AGO1: variants seen among roughly 807,000 people sequenced by gnomAD.
AGO1 encodes the protein protein argonaute-1.
AGO1 carries 11 observed loss-of-function variants against 109.2 expected under a neutral mutation model. The ratio of observed to expected loss-of-function variants is 0.10; its 90% CI spans 0.06 to 0.17. The LOEUF is 0.17. AGO1 is among the 10% of genes least tolerant of loss of function. The pLI is 1.00. For synonymous variants in AGO1, 422 were observed against 418.6 expected (o/e 1.01, Z -0.10); for missense variants, 574 against 1,140.3 (o/e 0.50, Z 7.15).
intron 15 of AGO1, among the ~76,000 whole-genome samples, chr1:35,916,442 A>G (rs1027946020): frequency 2.6e-5 from 4 of 152,048 alleles, no homozygotes. Context: ...ATCTTAGCTC[A>G]CTGCAGCTTC....
chr1:35,921,617 C>T lies in AGO1; in HGVS notation c.*2010C>T, dbSNP rs1441473989. ...TAGAGTTAGAACTACCATTTCCTCC[C>T]CTTAGCTGCCCTTGTATGACCCGGA... On this transcript the variant is annotated 3_prime_UTR_variant, in exon 19 of 19. Transcript: ENST00000373204. 6.6e-6 allele frequency: 1 copy of T among 152,656 alleles called. No homozygotes were observed. The highest frequency in any genetic ancestry group is 1.5e-5 in the Non-Finnish European group (1 of 68,066). The allele number at this position is 152,656 out of a possible 1,614,324, so 9.5% of individuals were successfully genotyped here.
chr1:35,903,421 T>G (rs1191853021), intron 11 of AGO1, among the ~76,000 whole-genome samples: 1 of 152,094 alleles, frequency 6.6e-6, no homozygotes, highest in African/African-American at 2.4e-5. Flanking sequence ...AAGTGGTTGC[T>G]TTTCATATTC....
At chr1:35,913,006 C>G (rs1645665801) in intron 12 of AGO1, among the ~76,000 whole-genome samples, 1 of 151,892 alleles carries the variant, frequency 6.6e-6, no homozygotes, top group African/African-American at 2.4e-5. Context: ...TCCGTCTCAA[C>G]AACTCACCCA....
rs1646002723 is a variant in AGO1 at position 35,929,941 on chromosome 1, C to A, written c.*10334C>A. 6.6e-6 allele frequency: 1 copy of A among 151,944 alleles called. No homozygotes were observed. 9.4% of individuals were successfully genotyped at this position (151,944 alleles called of 1,614,324 possible). A position where few individuals can be genotyped will look rare whatever the true frequency, so the allele number is the denominator to read the frequency against. On this transcript the variant is annotated 3_prime_UTR_variant, in exon 19 of 19. Coordinates refer to ENST00000373204, the MANE Select transcript of AGO1 (RefSeq NM_012199.5). ...AGAGATCAAGTGACTGATCCAAAGT[C>A]CCACAGTGAGGGGAACTGAAGATAG...
chr1:35,918,075 G>A (rs192793963), intron 16 of AGO1, among the ~76,000 whole-genome samples: 88 of 152,174 alleles, frequency 5.8e-4, no homozygotes, highest in Non-Finnish European at 9.1e-4. Context: ...TGTGAGGTAC[G>A]TATTATTATT....
intron 11 of AGO1, among the ~76,000 whole-genome samples, chr1:35,905,624 G>A (rs1645506114): frequency 1.3e-5 from 2 of 151,904 alleles, no homozygotes; most frequent in Admixed American, 1.3e-4. Context: ...TCACCACCAT[G>A]CCCGGCTAGG....
chr1:35,881,699 A>G (rs968034567), upstream of AGO1, among the ~76,000 whole-genome samples: 3 of 152,346 alleles, frequency 2.0e-5, no homozygotes, highest in East Asian at 1.9e-4. Flanking sequence ...AAGGCATGGT[A>G]TAAGTGTCAG....
rs139128795 is a variant in AGO1, at chr1:35,911,295, C to T, written c.1583-2547C>T. The stretch of plus-strand genomic sequence containing the variant: ...AAAGAATCCCAGGGTCATGAAGATA[C>T]TATTTGAAGTGTTTTTTTGAATGAT... On this transcript the variant is annotated intron_variant, in intron 12 of 18. Coordinates refer to ENST00000373204, the MANE Select transcript of AGO1 (RefSeq NM_012199.5). Among the ~76,000 whole-genome samples the T allele has an allele frequency of 3.8e-3, 578 of 152,166 alleles. 5 individuals carry two copies. The highest frequency in any genetic ancestry group is 0.013 in the African/African-American group (560 of 41,516).
chr1:35,889,791 C>G (rs1159345965), intron 2 of AGO1, among the ~76,000 whole-genome samples: 1 of 152,044 alleles, frequency 6.6e-6, no homozygotes, highest in Non-Finnish European at 1.5e-5. Flanking sequence ...CTCTGCCTCC[C>G]GAGTAGCTGG....
At chr1:35,872,903 T>TTTG (rs1644964180) in intron 1 of AGO1, among the ~76,000 whole-genome samples, 2 of 151,782 alleles carry the variant, frequency 1.3e-5, no homozygotes, top group African/African-American at 4.9e-5. Context: ...TTTTCAGTTT[T>TTTG]TTTGTTTGTT....
chr1:35,914,389 T>C (rs1645697143), intron 14 of AGO1, 115 bp downstream of exon 14: 2 of 769,130 alleles, frequency 2.6e-6, no homozygotes, highest in Admixed American at 4.6e-5. Flanking sequence ...AAGATGTCCA[T>C]TTAGCTCGCT....
chr1:35,921,658 A>T lies in AGO1; in HGVS notation c.*2051A>T, dbSNP rs1328762082. On this transcript the variant is annotated 3_prime_UTR_variant, in exon 19 of 19. Coordinates refer to ENST00000373204, the MANE Select transcript of AGO1 (RefSeq NM_012199.5). ...ATGACCCGGATTTGCTATGCAAAAC[A>T]ATCTATCCCAGGTTCTGTTCTGGTT... 6.5e-6 allele frequency: 1 copy of T among 152,692 alleles called. No individual in the cohort carries two copies. Among genetic ancestry groups the T allele is most frequent in the Admixed American group, 6.5e-5 (1 of 15,284 alleles). The allele number at this position is 152,692 out of a possible 1,614,324, so 9.5% of individuals were successfully genotyped here.
chr1:35,882,846 T>A, upstream of AGO1: 1 of 985,360 alleles, frequency 1.0e-6, no homozygotes. The surrounding 1 kb of genome is among the most constrained non-coding windows in gnomAD (Gnocchi z 5.1). Flanking sequence ...GCAGGGCCCC[T>A]GGGCGCTGGA....
chr1:35,886,930 T>A (rs1172841437), intron 1 of AGO1, among the ~76,000 whole-genome samples: 1 of 152,186 alleles, frequency 6.6e-6, no homozygotes, highest in Non-Finnish European at 1.5e-5. Context: ...TGTGTGTAAG[T>A]GTAAATTGCC....
intron 7 of AGO1, 46 bp from the exon 8 acceptor site, chr1:35,895,076 T>C (rs771775885): frequency 1.3e-6 from 2 of 1,565,188 alleles, no homozygotes; most frequent in Admixed American, 1.9e-5. Flanking sequence ...GAAGTGGGAC[T>C]GAATGCTGGG....
In AGO1 at chr1:35,870,091, A is replaced by ATTTATCCCTCATAAATAT. The variant is rs1371296317; in HGVS notation, c.-201+188_-201+189insTTTATCCCTCATAAATAT. Among the ~76,000 whole-genome samples the ATTTATCCCTCATAAATAT allele has an allele frequency of 4.6e-5, 7 of 151,494 alleles. No homozygotes were observed. In the South Asian group the frequency reaches 6.3e-4, roughly 14 times the overall value. ...AGCCTTCTCTTAAACCGTGAACTCTAGAGGGAAAGGACCTCATATTTATCA... is the reference window on the plus strand; with the variant it reads ...AGCCTTCTCTTAAACCGTGAACTCTATTTATCCCTCATAAATATGAGGGAAAGGACCTCATATTTATCA... On this transcript the variant is annotated intron_variant, in intron 1 of 18. Transcript: ENST00000373206.
intron 12 of AGO1, among the ~76,000 whole-genome samples, chr1:35,910,420 A>C (rs1023996173): frequency 3.0e-4 from 46 of 151,950 alleles, no homozygotes; most frequent in Non-Finnish European, 7.4e-5. Context: ...TTTTTATTAA[A>C]TTGTATATAT....
intron 1 of AGO1, among the ~76,000 whole-genome samples, chr1:35,876,550 G>T (rs147950043): frequency 3.0e-4 from 46 of 152,168 alleles, no homozygotes; most frequent in Non-Finnish European, 1.5e-5. Flanking sequence ...ACAGGTGTGA[G>T]CCACTGTGCC....
At chr1:35,887,098 T>A (rs1571341553) in intron 1 of AGO1, among the ~76,000 whole-genome samples, 1 of 152,272 alleles carries the variant, frequency 6.6e-6, no homozygotes, top group South Asian at 2.1e-4. Context: ...GAAGACCTTT[T>A]CCATCCAGGC....
Sources: gnomAD v4.1 joint callset for allele counts (sites outside exome capture counted in the v4.1 genomes callset) on GRCh38, gnomAD v4.1.1 for gene constraint, Gnocchi (gnomAD v3.1) non-coding constraint, MANE v1.5 for transcripts, NCBI Gene and HGNC (gene_info 2026-07-23, HGNC 2026-07-21) for gene names.